The following GUCY1A2 variants were observed in gnomAD, a reference collection of about 807,000 sequenced individuals.
The protein encoded by GUCY1A2 is guanylate cyclase 1 soluble subunit alpha 2, also known as guanylate cyclase soluble subunit alpha-2.
Under a neutral mutation model 63.5 loss-of-function variants are expected in GUCY1A2, and 27 were observed. That is an observed-to-expected ratio of 0.43 (90% CI 0.31 to 0.59). GUCY1A2 has a LOEUF of 0.59. GUCY1A2 is among the 20% of genes least tolerant of loss of function. The pLI is 0.11. For missense variants in GUCY1A2, 768 were observed against 913.3 expected (o/e 0.84, Z 2.05); for synonymous variants, 364 against 343.5 (o/e 1.06, Z -0.66).
intron 6 of GUCY1A2, among the ~76,000 whole-genome samples, chr11:106,709,302 T>TC (rs1862991123): frequency 2.4e-5 from 2 of 82,096 alleles, no homozygotes; most frequent in African/African-American, 6.1e-5. Flanking sequence ...TTTATATTTT[T>TC]ATATTTATAT....
intron 4 of GUCY1A2, among the ~76,000 whole-genome samples, chr11:106,890,194 T>A (rs1859954823): frequency 1.3e-5 from 2 of 152,190 alleles, no homozygotes; most frequent in African/African-American, 4.8e-5. Context: ...AATCTGTGAA[T>A]TTATTATCTA....
At chr11:106,705,580 G>A (rs895809951) in intron 7 of GUCY1A2, among the ~76,000 whole-genome samples, 1 of 152,144 alleles carries the variant, frequency 6.6e-6, no homozygotes, top group Non-Finnish European at 1.5e-5. Context: ...TGGGACTGAG[G>A]CAGGGCGCAG....
chr11:106,940,266 T>C, intron 3 of GUCY1A2, 88 bp from the exon 4 acceptor site: 2 of 662,810 alleles, frequency 3.0e-6, no homozygotes, highest in South Asian at 4.0e-5. Context: ...AAAGAGTAAC[T>C]ACTGAATAAA....
chr11:106,680,529 G>A lies in GUCY1A2; in HGVS notation c.*7020C>T, dbSNP rs1443652986. The stretch of plus-strand genomic sequence containing the variant: ...TCTAATATAAAGAATGATCTGATCA[G>A]CAACTAGCTGAATTAACTGGAAGGA... On this transcript the variant is annotated 3_prime_UTR_variant, in exon 8 of 8. Coordinates refer to ENST00000526355, the MANE Select transcript of GUCY1A2 (RefSeq NM_000855.3). 5.1e-6 allele frequency: 1 copy of A among 197,450 alleles called. No homozygotes were observed. Among genetic ancestry groups the A allele is most frequent in the Admixed American group, 6.1e-5 (1 of 16,472 alleles). The allele number at this position is 197,450 out of a possible 1,614,324, so 12.2% of individuals were successfully genotyped here. A position where few individuals can be genotyped will look rare whatever the true frequency, so the allele number is the denominator to read the frequency against.
Position 106,868,661 on chromosome 11 carries a change from C to T in GUCY1A2, c.1207-58183G>A, listed in dbSNP as rs1260963292. ...GCTCATGGATAGGAAGAATCAATAT[C>T]ATGAAAATGGCCCTACTGCCCAAGG... On this transcript the variant is annotated intron_variant, in intron 4 of 7. Transcript: ENST00000526355. 2.0e-5 allele frequency among the ~76,000 whole-genome samples: 3 copies of T among 152,200 alleles called. No homozygotes were observed. In the South Asian group the frequency reaches 6.2e-4, roughly 32 times the overall value.
At chr11:106,992,382 T>C (rs936319164) in intron 1 of GUCY1A2, among the ~76,000 whole-genome samples, 1 of 144,218 alleles carries the variant, frequency 6.9e-6, no homozygotes, top group African/African-American at 2.6e-5. Context: ...CAGGCTGGAG[T>C]GCAGTGGTGA....
At chr11:106,753,384 T>C (rs1863917123) in intron 6 of GUCY1A2, among the ~76,000 whole-genome samples, 1 of 152,238 alleles carries the variant, frequency 6.6e-6, no homozygotes, top group Non-Finnish European at 1.5e-5. Context: ...AGATCCCATT[T>C]GTCAATTTTG....
At chr11:106,784,522 T>G (rs770968236) in intron 5 of GUCY1A2, among the ~76,000 whole-genome samples, 7 of 152,148 alleles carry the variant, frequency 4.6e-5, no homozygotes, top group Non-Finnish European at 8.8e-5. Context: ...AAAAAGGGGC[T>G]CCACCTCCCA....
rs551573407 is a variant in GUCY1A2, at chr11:106,883,877, C to T, written c.1206+55583G>A. 1.1e-3 allele frequency among the ~76,000 whole-genome samples: 170 copies of T among 152,194 alleles called. 1 individual carries two copies. The highest frequency in any genetic ancestry group is 3.9e-3 in the African/African-American group (160 of 41,530). ...ACGCAGCCATAAAAAAGGATGAGTT[C>T]ATGTCCTTTGTAGGGACATGGATGA... On this transcript the variant is annotated intron_variant, in intron 4 of 7. Transcript: ENST00000526355.
At chr11:106,918,203 A>C (rs1407240670) in intron 4 of GUCY1A2, among the ~76,000 whole-genome samples, 1 of 144,162 alleles carries the variant, frequency 6.9e-6, no homozygotes, top group Non-Finnish European at 1.6e-5. Context: ...ATCTGTTATG[A>C]TGGAGCACAC....
intron 4 of GUCY1A2, among the ~76,000 whole-genome samples, chr11:106,927,157 CAGTT>C (rs1197876497): frequency 6.6e-6 from 1 of 151,620 alleles, no homozygotes; most frequent in Non-Finnish European, 1.5e-5. Context: ...GTGGATCACA[CAGTT>C]AGGAGATCGA....
intron 4 of GUCY1A2, chr11:106,825,096 G>GAAGATCTA (rs1296118889): frequency 1.5e-6 from 1 of 656,662 alleles, no homozygotes; most frequent in Non-Finnish European, 2.5e-6. Context: ...GCTTATCTCT[G>GAAGATCTA]AAGATCTAAA....
intron 3 of GUCY1A2, among the ~76,000 whole-genome samples, chr11:106,961,614 T>C (rs1311225541): frequency 6.6e-6 from 1 of 152,230 alleles, no homozygotes; most frequent in African/African-American, 2.4e-5. Context: ...TGATGAAAGA[T>C]GCCACATTCC....
Position 106,676,079 on chromosome 11 carries a change from C to A in GUCY1A2, c.*11470G>T, listed in dbSNP as rs566637915. 2.2e-4 allele frequency: 40 copies of A among 182,210 alleles called. 1 individual carries two copies. In the East Asian group the frequency reaches 3.1e-3, roughly 14 times the overall value. 11.3% of individuals were successfully genotyped at this position (182,210 alleles called of 1,614,324 possible). A position where few individuals can be genotyped will look rare whatever the true frequency, so the allele number is the denominator to read the frequency against. ...ATTTTCTATTAACACAAACTTATGT[C>A]ATGAAGATAATTAAGTGGTTTGAAT... On this transcript the variant is annotated 3_prime_UTR_variant, in exon 8 of 8. Transcript: ENST00000526355.
chr11:106,831,458 A>G (rs1859050273), intron 4 of GUCY1A2, among the ~76,000 whole-genome samples: 1 of 152,158 alleles, frequency 6.6e-6, no homozygotes, highest in Admixed American at 6.6e-5. Flanking sequence ...CCAGAAGGAA[A>G]AGAAAAATTG....
At chr11:106,924,003 T>G (rs1860485105) in intron 4 of GUCY1A2, among the ~76,000 whole-genome samples, 1 of 152,306 alleles carries the variant, frequency 6.6e-6, no homozygotes, top group African/African-American at 2.4e-5. Context: ...TCTTAAATCT[T>G]TGACGAATGT....
intron 5 of GUCY1A2, among the ~76,000 whole-genome samples, chr11:106,777,587 A>C (rs2135403273): frequency 6.6e-6 from 1 of 150,632 alleles, no homozygotes; most frequent in East Asian, 2.0e-4. Context: ...GGAACGGAAA[A>C]CCAAACACTG....
intron 4 of GUCY1A2, among the ~76,000 whole-genome samples, chr11:106,923,227 A>G (rs1442130529): frequency 2.0e-5 from 3 of 152,238 alleles, no homozygotes; most frequent in Non-Finnish European, 4.4e-5. Context: ...TGTATCGAAT[A>G]TAATACCTTA....
At chr11:106,714,756 A>G (rs545390325) in intron 6 of GUCY1A2, among the ~76,000 whole-genome samples, 1 of 152,180 alleles carries the variant, frequency 6.6e-6, no homozygotes. Context: ...TGGGAGGGAG[A>G]GGTGCTACTG....
Sources: gnomAD v4.1 joint callset for allele counts (sites outside exome capture counted in the v4.1 genomes callset) on GRCh38, gnomAD v4.1.1 for gene constraint, MANE v1.5 for transcripts, NCBI Gene and HGNC (gene_info 2026-07-23, HGNC 2026-07-21) for gene names.